The following INTS9 variants were observed in gnomAD, a reference collection of about 807,000 sequenced individuals.
The protein encoded by INTS9 is integrator complex subunit 9, also known as protein related to CPSF subunits of 74 kDa.
Under a neutral mutation model 79.7 loss-of-function variants are expected in INTS9, and 55 were observed. The observed-to-expected ratio is 0.69, with a 90% confidence interval of 0.56 to 0.86. The LOEUF (loss-of-function observed/expected upper bound fraction) is 0.86, where lower values mean the gene tolerates loss of function less well. INTS9 is among the 40% of genes least tolerant of loss of function. The pLI is 0.00. For missense variants in INTS9, 721 were observed against 831.5 expected (o/e 0.87, Z 1.64); for synonymous variants, 319 against 325.2 (o/e 0.98, Z 0.20).
intron 11 of INTS9, among the ~76,000 whole-genome samples, chr8:28,785,223 A>G (rs1803518820): frequency 6.6e-6 from 1 of 152,172 alleles, no homozygotes; most frequent in Admixed American, 6.5e-5. Flanking sequence ...TCCAGTTACT[A>G]TTTCTGTCTT....
intron 10 of INTS9, among the ~76,000 whole-genome samples, chr8:28,791,578 T>A (rs900192290): frequency 1.3e-5 from 2 of 152,146 alleles, no homozygotes; most frequent in Non-Finnish European, 2.9e-5. Flanking sequence ...CCAAATGGGG[T>A]CACCACCCAC....
At chr8:28,770,123 A>G in intron 15 of INTS9, 97 bp from the exon 16 acceptor site, 3 of 1,448,992 alleles carry the variant, frequency 2.1e-6, no homozygotes, top group South Asian at 2.7e-5. Flanking sequence ...CTGTCCTCAC[A>G]GGCCACAGAG....
chr8:28,814,798 T>C (rs1375325679), intron 6 of INTS9, among the ~76,000 whole-genome samples: 1 of 152,056 alleles, frequency 6.6e-6, no homozygotes, highest in Non-Finnish European at 1.5e-5. Context: ...CCCCTCAGGG[T>C]AGGGGGCTGA....
intron 14 of INTS9, among the ~76,000 whole-genome samples, chr8:28,775,043 A>AT (rs1393091664): frequency 6.6e-6 from 1 of 152,172 alleles, no homozygotes; most frequent in African/African-American, 2.4e-5. Context: ...TACAATCCTT[A>AT]TTTTTTGGTT....
At chr8:28,820,520 C>T (rs1171120841) in intron 6 of INTS9, among the ~76,000 whole-genome samples, 1 of 152,208 alleles carries the variant, frequency 6.6e-6, no homozygotes, top group Non-Finnish European at 1.5e-5. Flanking sequence ...GTCTGATGGG[C>T]TTCCCTTTGT....
intron 6 of INTS9, among the ~76,000 whole-genome samples, chr8:28,814,934 C>A (rs2131062823): frequency 6.6e-6 from 1 of 152,260 alleles, no homozygotes; most frequent in Admixed American, 6.5e-5. Context: ...TGGAAGTGAA[C>A]AAGTCCTACC....
chr8:28,863,722 C>T (rs1808577046), intron 1 of INTS9, among the ~76,000 whole-genome samples: 1 of 152,176 alleles, frequency 6.6e-6, no homozygotes, highest in Non-Finnish European at 1.5e-5. Context: ...GCAGAGGTTG[C>T]AGTGAGTTGA....
At chr8:28,841,733 T>C (rs1272915562) in intron 4 of INTS9, among the ~76,000 whole-genome samples, 1 of 152,176 alleles carries the variant, frequency 6.6e-6, no homozygotes, top group Non-Finnish European at 1.5e-5. Context: ...ACTTTGCATA[T>C]ATACTATATA....
At chr8:28,818,738 G>A (rs1260591623) in intron 6 of INTS9, among the ~76,000 whole-genome samples, 1 of 150,736 alleles carries the variant, frequency 6.6e-6, no homozygotes, top group South Asian at 2.1e-4. Flanking sequence ...TACCAGTTCC[G>A]CCTTGTACCT....
intron 8 of INTS9, among the ~76,000 whole-genome samples, chr8:28,807,623 G>A (rs1804882863): frequency 1.3e-5 from 2 of 152,190 alleles, no homozygotes; most frequent in African/African-American, 4.8e-5. Flanking sequence ...TCTCAAAGGA[G>A]AGAAATCAAA....
chr8:28,825,228 G>T (rs1430560598), intron 6 of INTS9, among the ~76,000 whole-genome samples: 1 of 152,224 alleles, frequency 6.6e-6, no homozygotes, highest in East Asian at 1.9e-4. Flanking sequence ...GAGCCAAGGA[G>T]TTTCTTGACT....
intron 3 of INTS9, 44 bp from the exon 4 acceptor site, chr8:28,846,853 T>C (rs759956769): frequency 7.0e-7 from 1 of 1,421,038 alleles, no homozygotes. Flanking sequence ...AGATATCCAG[T>C]AGATACAGGA....
chr8:28,842,068 A>C (rs1435693337), intron 4 of INTS9, among the ~76,000 whole-genome samples: 2 of 152,154 alleles, frequency 1.3e-5, no homozygotes, highest in Non-Finnish European at 2.9e-5. Flanking sequence ...ACGCTGGGCA[A>C]TAAAGTGAGA....
intron 8 of INTS9, among the ~76,000 whole-genome samples, chr8:28,804,295 C>G (rs1230469503): frequency 6.6e-6 from 1 of 152,172 alleles, no homozygotes; most frequent in Admixed American, 6.5e-5. Flanking sequence ...ATTTGAGAAA[C>G]TAAATCAAAA....
At position 28,774,479 on chromosome 8, in the gene INTS9, C is replaced by T. The variant is rs550460659; in HGVS notation, c.1563+1280G>A. Reference sequence around the variant, plus strand: ...AGAGAGTTGAAATCTAAACCAAGGCCGTCAATCCCAGCCCCTGTAAAATAC... The same window carrying T: ...AGAGAGTTGAAATCTAAACCAAGGCTGTCAATCCCAGCCCCTGTAAAATAC... On this transcript the variant is annotated intron_variant, in intron 14 of 16. Coordinates refer to ENST00000521022, the MANE Select transcript of INTS9 (RefSeq NM_018250.4). Among the ~76,000 whole-genome samples the T allele has an allele frequency of 8.5e-5, 13 of 152,214 alleles. No homozygotes were observed. In the South Asian group the frequency reaches 2.1e-3, roughly 24 times the overall value.
intron 1 of INTS9, among the ~76,000 whole-genome samples, chr8:28,873,477 C>A (rs988247774): frequency 6.6e-6 from 1 of 152,098 alleles, no homozygotes. Context: ...ACAAATGAGA[C>A]ATAAGGTATA....
At chr8:28,820,122 T>C (rs1805741651) in intron 6 of INTS9, among the ~76,000 whole-genome samples, 1 of 152,252 alleles carries the variant, frequency 6.6e-6, no homozygotes, top group Non-Finnish European at 1.5e-5. Context: ...CCAGTCTGTG[T>C]CTTTTAATTG....
chr8:28,769,970 A>G lies in INTS9; in HGVS notation c.1719T>C (p.Asp573=). Residue 573 remains aspartate (D), a synonymous_variant, in exon 16 of 17, where the codon GAT becomes GAC. Coordinates refer to ENST00000521022, the MANE Select transcript of INTS9 (RefSeq NM_018250.4). ...TSGKKRKRVS[D]DVPDCKVLKP... Reference sequence around the variant, plus strand: ...TCAGGACTTTGCAGTCTGGTACGTCATCGCTCACCCGCTTTCTCTTCTTCC... The same window carrying G: ...TCAGGACTTTGCAGTCTGGTACGTCGTCGCTCACCCGCTTTCTCTTCTTCC... The G allele has an allele frequency of 6.2e-7, 1 of 1,614,216 alleles. No individual in the cohort carries two copies. Among genetic ancestry groups the G allele is most frequent in the Non-Finnish European group, 8.5e-7 (1 of 1,180,038 alleles).
intron 7 of INTS9, 39 bp downstream of exon 7, chr8:28,813,453 A>G: frequency 6.3e-7 from 1 of 1,581,408 alleles, no homozygotes; most frequent in South Asian, 1.1e-5. Flanking sequence ...ATGAATGGAA[A>G]GCATTCATGA....
Sources: allele counts gnomAD v4.1 joint callset (sites outside exome capture counted in the v4.1 genomes callset), GRCh38; gene constraint gnomAD v4.1.1; transcripts MANE v1.5; gene names NCBI Gene and HGNC (gene_info 2026-07-23, HGNC 2026-07-21).